LEKR1: variants seen among roughly 807,000 people sequenced by gnomAD.
The protein encoded by LEKR1 is leucine, glutamate and lysine rich 1.
Under a neutral mutation model 72.4 loss-of-function variants are expected in LEKR1, and 59 were observed. That is an observed-to-expected ratio of 0.82 (90% CI 0.66 to 1.01). LEKR1 has a LOEUF of 1.01. Among genes scored for constraint, LEKR1 ranks in the 50% least tolerant of loss-of-function variants. The pLI is 0.00. For missense variants in LEKR1, 728 were observed against 759.2 expected, an observed-to-expected ratio of 0.96 and a Z score of 0.48; for synonymous variants, 257 against 263.2, an observed-to-expected ratio of 0.98 and a Z score of 0.23.
At chr3:157,042,830 T>C (rs1184568534) in intron 12 of LEKR1, among the ~76,000 whole-genome samples, 3 of 152,162 alleles carry the variant, frequency 2.0e-5, no homozygotes, top group Non-Finnish European at 4.4e-5. Flanking sequence ...ATTAACTCTT[T>C]CTCATTGCTT....
At chr3:156,939,840 T>G (rs1381177942) in intron 5 of LEKR1, among the ~76,000 whole-genome samples, 1 of 152,196 alleles carries the variant, frequency 6.6e-6, no homozygotes, top group African/African-American at 2.4e-5. Context: ...ACACAACTGT[T>G]GACTGAATAG....
At chr3:157,042,238 C>T (rs1228035372) in intron 12 of LEKR1, among the ~76,000 whole-genome samples, 5 of 152,304 alleles carry the variant, frequency 3.3e-5, no homozygotes, top group African/African-American at 4.8e-5. Context: ...CAGGGGTCCT[C>T]CTGGTTTGGG....
intron 11 of LEKR1, among the ~76,000 whole-genome samples, chr3:157,025,330 CTGAA>C (rs1734107830): frequency 6.6e-6 from 1 of 152,102 alleles, no homozygotes; most frequent in African/African-American, 2.4e-5. Flanking sequence ...CTCAACATTT[CTGAA>C]TGAAGAGAAA....
At chr3:156,973,619 A>G (rs2101167) in intron 6 of LEKR1, among the ~76,000 whole-genome samples, 10,828 of 152,204 alleles carry the variant, frequency 0.071, 490 homozygotes, top group African/African-American at 0.12. Flanking sequence ...AAATTTTGAA[A>G]TTGCCAATAT....
At chr3:156,864,154 C>T (rs930717654) in intron 3 of LEKR1, among the ~76,000 whole-genome samples, 1 of 152,086 alleles carries the variant, frequency 6.6e-6, no homozygotes, top group Non-Finnish European at 1.5e-5. Context: ...AGTTTCATTG[C>T]GTCCTGAAGT....
chr3:156,829,260 C>A, intron 1 of LEKR1, 26 bp from the exon 2 acceptor site: 2 of 851,384 alleles, frequency 2.3e-6, no homozygotes, highest in South Asian at 3.0e-5. Context: ...TATTTCTGTT[C>A]TGACTGTTGC....
intron 5 of LEKR1, among the ~76,000 whole-genome samples, chr3:156,932,527 A>G (rs1725318463): frequency 6.6e-6 from 1 of 152,130 alleles, no homozygotes; most frequent in Non-Finnish European, 1.5e-5. Context: ...AGCCTGGGCA[A>G]CATGGCAAAG....
intron 9 of LEKR1, among the ~76,000 whole-genome samples, chr3:157,003,032 C>T: frequency 6.6e-6 from 1 of 152,276 alleles, no homozygotes; most frequent in East Asian, 1.9e-4. Context: ...GTACCATCTA[C>T]TTTATAGTAA....
chr3:156,983,888 A>G (rs758614962), intron 7 of LEKR1, among the ~76,000 whole-genome samples: 15 of 152,176 alleles, frequency 9.9e-5, no homozygotes, highest in Admixed American at 2.0e-4. Flanking sequence ...AGGATTCAAC[A>G]CAACCAAAGA....
intron 7 of LEKR1, among the ~76,000 whole-genome samples, chr3:156,980,997 T>C (rs1330125930): frequency 6.6e-6 from 1 of 152,184 alleles, no homozygotes; most frequent in East Asian, 1.9e-4. Flanking sequence ...TACCGTATAT[T>C]TACTGTACCT....
At chr3:156,932,331 C>T (rs1725296925) in intron 5 of LEKR1, among the ~76,000 whole-genome samples, 1 of 152,102 alleles carries the variant, frequency 6.6e-6, no homozygotes, top group Non-Finnish European at 1.5e-5. Context: ...TTCAGAAATG[C>T]ATTTTTATAT....
At chr3:157,024,612 C>T in intron 10 of LEKR1, 148 bp from the exon 11 acceptor site, 1 of 665,800 alleles carries the variant, frequency 1.5e-6, no homozygotes, top group Admixed American at 3.5e-5. Context: ...TTCTAAGTCA[C>T]ACTTTTTTTT....
chr3:156,843,007 T>C (rs528583308), intron 2 of LEKR1, among the ~76,000 whole-genome samples: 1 of 152,290 alleles, frequency 6.6e-6, no homozygotes, highest in South Asian at 2.1e-4. Context: ...AGATCATATC[T>C]CTAAATCTGT....
At chr3:156,829,420 T>C in intron 2 of LEKR1, 43 bp downstream of exon 2, 1 of 1,371,734 alleles carries the variant, frequency 7.3e-7, no homozygotes, top group Non-Finnish European at 9.9e-7. Context: ...TGGGAACATG[T>C]AGCAGTTACA....
At chr3:156,826,983 A>C (rs2108525834) in intron 1 of LEKR1, 1 of 155,180 alleles carries the variant, frequency 6.4e-6, no homozygotes, top group East Asian at 1.9e-4. Context: ...ATCTTGTTAG[A>C]GAGGAGGTTC....
intron 9 of LEKR1, among the ~76,000 whole-genome samples, chr3:157,004,974 A>G (rs1343926144): frequency 6.6e-6 from 1 of 152,052 alleles, no homozygotes; most frequent in Non-Finnish European, 1.5e-5. Context: ...CAGAAAAACA[A>G]TAGACAATAT....
chr3:156,880,612 T>A (rs1719182001), intron 3 of LEKR1, among the ~76,000 whole-genome samples: 1 of 152,020 alleles, frequency 6.6e-6, no homozygotes, highest in African/African-American at 2.4e-5. Flanking sequence ...ACTATTCCAA[T>A]CAATAGAAAA....
At chr3:157,008,532 T>C (rs1576988682) in intron 9 of LEKR1, among the ~76,000 whole-genome samples, 1 of 152,226 alleles carries the variant, frequency 6.6e-6, no homozygotes, top group African/African-American at 2.4e-5. Flanking sequence ...TTTGAAGTTT[T>C]CTTTTGCTTC....
At chr3:156,852,624 A>G (rs1715505189) in intron 2 of LEKR1, 144 bp from the exon 3 acceptor site, 3 of 414,466 alleles carry the variant, frequency 7.2e-6, no homozygotes, top group South Asian at 8.9e-5. Flanking sequence ...TTTTTATACA[A>G]GTGTTAGCAA....
Sources: gnomAD v4.1 joint callset for allele counts (sites outside exome capture counted in the v4.1 genomes callset) on GRCh38, gnomAD v4.1.1 for gene constraint, MANE v1.5 for transcripts, NCBI Gene and HGNC (gene_info 2026-07-23, HGNC 2026-07-21) for gene names.